The following MRNIP variants were observed in gnomAD, a reference collection of about 807,000 sequenced individuals.
The protein encoded by MRNIP is MRN complex interacting protein.
A neutral mutation model predicts 29.8 loss-of-function variants in MRNIP; 30 were observed. The observed-to-expected ratio is 1.01, with a 90% CI of 0.75 to 1.36. The LOEUF is 1.36. Among genes scored for constraint, MRNIP ranks in the 40% most tolerant of loss-of-function variants. MRNIP has a pLI of 0.00. For missense variants in MRNIP, 459 were observed against 423.5 expected, an observed-to-expected ratio of 1.08 and a Z score of -0.74; for synonymous variants, 201 against 164.1, an observed-to-expected ratio of 1.23 and a Z score of -1.72.
chr5:179,851,196 T>A (rs114941898), intron 2 of MRNIP: 1 of 454,592 alleles, frequency 2.2e-6, no homozygotes, highest in South Asian at 1.6e-5. Context: ...TGTAGAAATA[T>A]ATACATCTCA....
At chr5:179,851,665 G>A (rs1191939750) in intron 2 of MRNIP, among the ~76,000 whole-genome samples, 2 of 151,906 alleles carry the variant, frequency 1.3e-5, no homozygotes, top group African/African-American at 2.4e-5. Context: ...CCATTCTGAA[G>A]TGTTTTTTTT....
intron 6 of MRNIP, chr5:179,838,239 A>G (rs1373195363): frequency 6.6e-6 from 2 of 302,498 alleles, no homozygotes; most frequent in Non-Finnish European, 1.3e-5. Context: ...CGCTGGCTCC[A>G]TTCTGCTACC....
chr5:179,847,966 A>T lies in MRNIP; in HGVS notation c.215+12T>A, dbSNP rs1561619662. 1 of 1,587,784 alleles carries T rather than the reference A, an allele frequency of 6.3e-7. No individual in the cohort carries two copies. Among genetic ancestry groups the T allele is most frequent in the Non-Finnish European group, 8.6e-7 (1 of 1,158,628 alleles). On this transcript the variant is annotated intron_variant, in intron 3 of 6. Coordinates refer to ENST00000292586, the MANE Select transcript of MRNIP (RefSeq NM_016175.4). ...AGGGCAAGACAACCACGCTCTTCTCAAACAACTGTACCTGAGTGGCAGCTC... is the reference window on the plus strand; with the variant it reads ...AGGGCAAGACAACCACGCTCTTCTCTAACAACTGTACCTGAGTGGCAGCTC...
At chr5:179,841,824 C>G (rs181713982) in intron 5 of MRNIP, 83 bp downstream of exon 5, 1 of 1,439,340 alleles carries the variant, frequency 6.9e-7, no homozygotes, top group Non-Finnish European at 9.5e-7. Flanking sequence ...GCTTGGCTGA[C>G]GCTCACAGTG....
chr5:179,858,697 C>T, intron 1 of MRNIP, 34 bp downstream of exon 1: 1 of 1,365,260 alleles, frequency 7.3e-7, no homozygotes, highest in Admixed American at 2.3e-5. Context: ...GTCCCCGCGC[C>T]GGAGGAGGAG....
chr5:179,843,051 AAGGAAGGAAGGG>A (rs1443248908), intron 4 of MRNIP, among the ~76,000 whole-genome samples: 8 of 129,164 alleles, frequency 6.2e-5, no homozygotes, highest in Non-Finnish European at 1.4e-4. Flanking sequence ...AGAAGGAAGG[AAGGAAGGAAGGG>A]AGGGAGGGAG....
At chr5:179,855,995 G>C (rs1240422597) in intron 1 of MRNIP, among the ~76,000 whole-genome samples, 1 of 141,662 alleles carries the variant, frequency 7.1e-6, no homozygotes, top group Non-Finnish European at 1.5e-5. Flanking sequence ...TGCAACCTCT[G>C]CCTCCTGGAT....
At chr5:179,851,251 C>T (rs1171055475) in intron 2 of MRNIP, 1 of 455,836 alleles carries the variant, frequency 2.2e-6, no homozygotes, top group South Asian at 1.5e-5. Flanking sequence ...ACCTGGTAAG[C>T]CAGCCCCTCT....
intron 2 of MRNIP, 111 bp from the exon 3 acceptor site, chr5:179,848,177 A>C (rs1360461772): frequency 2.6e-6 from 2 of 782,474 alleles, no homozygotes; most frequent in Non-Finnish European, 4.5e-6. Flanking sequence ...GCAAGGCCCA[A>C]AGACCCCTAA....
chr5:179,838,668 C>CT (rs1561613493), intron 6 of MRNIP: 1 of 151,734 alleles, frequency 6.6e-6, no homozygotes. Context: ...AGAGCGAACT[C>CT]TGTCTCAAAA....
At chr5:179,858,647 T>C (rs1759705498) in intron 1 of MRNIP, 84 bp downstream of exon 1, 5 of 915,062 alleles carry the variant, frequency 5.5e-6, no homozygotes, top group Non-Finnish European at 8.1e-6. Flanking sequence ...CCCGGAGCCA[T>C]TCGAGACAAC....
rs1443080077 is a variant in MRNIP, at chr5:179,837,866, C to T, written c.557G>A (p.Trp186Ter). Residue 186 changes from tryptophan (W) to a stop codon, truncating the protein, a stop_gained, in exon 7 of 7, where the codon TGG becomes TAG. Transcript: ENST00000292586. LOFTEE classifies it low-confidence loss of function (END_TRUNC). ...GGGGCTGCTGCCTTGTTTCACCTTC[C>T]ATGTCAGGCCAGCCTGTCCCTGAAA... ...GPQKGQAGLT[W>*]KVKQGSSPCL... The T allele has an allele frequency of 3.7e-6, 6 of 1,606,876 alleles. No individual in the cohort carries two copies. Among genetic ancestry groups the T allele is most frequent in the Non-Finnish European group, 8.5e-7 (1 of 1,179,556 alleles).
At chr5:179,846,519 G>C (rs1403127883) in intron 3 of MRNIP, among the ~76,000 whole-genome samples, 1 of 151,980 alleles carries the variant, frequency 6.6e-6, no homozygotes, top group Non-Finnish European at 1.5e-5. Context: ...TTGACCTCAT[G>C]ATCCATCTGC....
At chr5:179,854,617 C>A (rs574597793) in intron 1 of MRNIP, among the ~76,000 whole-genome samples, 1 of 152,070 alleles carries the variant, frequency 6.6e-6, no homozygotes, top group Admixed American at 6.6e-5. Context: ...TCTCACAAAA[C>A]CAAATCCAAA....
chr5:179,841,977 AAC>A lies in MRNIP; in HGVS notation c.377_378del (p.Cys126PhefsTer22). On this transcript the variant is annotated frameshift_variant, in exon 5 of 7. Transcript: ENST00000292586. LOFTEE classifies it high-confidence loss of function. The part of the protein sequence containing the change: ...QELELEGTGV[C>X]FSKQPSSKME... ...ATTTTGGATGAAGGCTGTTTGCTGA[AAC>A]ACACTCCTGTTCCTTCCAGCTCCAG... 1 of 1,614,126 alleles carries A rather than the reference AAC, an allele frequency of 6.2e-7. No individual in the cohort carries two copies. Among genetic ancestry groups the A allele is most frequent in the Non-Finnish European group, 8.5e-7 (1 of 1,180,018 alleles).
intron 5 of MRNIP, 36 bp from the exon 6 acceptor site, chr5:179,840,995 TCTCC>T: frequency 6.8e-7 from 1 of 1,469,094 alleles, no homozygotes; most frequent in Non-Finnish European, 9.3e-7. Flanking sequence ...CCCGTGCTAC[TCTCC>T]AGTGGCACCC....
rs1316740803 is a variant in MRNIP, at chr5:179,842,076, A to G, written c.292-12T>C. The G allele has an allele frequency of 6.2e-7, 1 of 1,612,752 alleles. No individual in the cohort carries two copies. The highest frequency in any genetic ancestry group is 2.2e-5 in the East Asian group (1 of 44,872). Reference sequence around the variant, plus strand: ...GGCTGCGATTTTTCCTGCCAGATTGAGAAAAAAGTTGATTCTCAGTACTGG... The same window carrying G: ...GGCTGCGATTTTTCCTGCCAGATTGGGAAAAAAGTTGATTCTCAGTACTGG... On this transcript the variant is annotated splice_polypyrimidine_tract_variant and intron_variant, in intron 4 of 6. Transcript: ENST00000292586.
At chr5:179,843,055 A>AAGGAAGGAAGGG (rs1758974354) in intron 4 of MRNIP, among the ~76,000 whole-genome samples, 1 of 121,596 alleles carries the variant, frequency 8.2e-6, no homozygotes, top group Non-Finnish European at 1.8e-5. Context: ...GGAAGGAAGG[A>AAGGAAGGAAGGG]AGGAAGGGAG....
At chr5:179,843,028 T>G (rs1457375849) in intron 4 of MRNIP, among the ~76,000 whole-genome samples, 1 of 79,588 alleles carries the variant, frequency 1.3e-5, no homozygotes, top group Non-Finnish European at 2.1e-5. Context: ...CGAGACTCTG[T>G]CGAAAGGAGG....
Sources: allele counts gnomAD v4.1 joint callset (sites outside exome capture counted in the v4.1 genomes callset), GRCh38; gene constraint gnomAD v4.1.1; transcripts MANE v1.5; gene names NCBI Gene and HGNC (gene_info 2026-07-23, HGNC 2026-07-21).